NKAIN3: variants seen among roughly 807,000 people sequenced by gnomAD.
The protein encoded by NKAIN3 is sodium/potassium transporting ATPase interacting 3, also known as sodium/potassium-transporting ATPase subunit beta-1-interacting protein 3.
In NKAIN3, 25 loss-of-function variants were observed where a neutral mutation model predicts 30.2. The observed-to-expected ratio is 0.83, with a 90% CI of 0.60 to 1.16. The LOEUF is 1.16. Ranked by LOEUF, NKAIN3 falls within the 50% of genes most tolerant of loss-of-function variation. NKAIN3 has a pLI of 0.00. For missense variants in NKAIN3, 225 were observed against 254.1 expected (o/e 0.89, Z 0.78); for synonymous variants, 91 against 89.6 (o/e 1.02, Z -0.09).
intron 3 of NKAIN3, among the ~76,000 whole-genome samples, chr8:62,628,780 A>G (rs1480249260): frequency 6.6e-6 from 1 of 152,116 alleles, no homozygotes; most frequent in Non-Finnish European, 1.5e-5. Flanking sequence ...GTTTTAGACA[A>G]CATCCTATTC....
chr8:62,966,107 T>G lies in NKAIN3; in HGVS notation c.*700T>G, dbSNP rs1473630704. On this transcript the variant is annotated 3_prime_UTR_variant, in exon 7 of 7. Coordinates refer to ENST00000623646, the MANE Select transcript of NKAIN3 (RefSeq NM_001304533.3). ...GAACCCCTTTCCCCTTTGGAGGGAA[T>G]ATGGGTGTCTCTGAGGTCCATATTT... The G allele has an allele frequency of 2.0e-6, 2 of 984,612 alleles. No homozygotes were observed. The highest frequency in any genetic ancestry group is 2.4e-6 in the Non-Finnish European group (2 of 829,370). The allele number at this position is 984,612 out of a possible 1,614,324, so 61.0% of individuals were successfully genotyped here.
intron 1 of NKAIN3, among the ~76,000 whole-genome samples, chr8:62,348,970 A>G (rs1816098072): frequency 6.6e-6 from 1 of 152,172 alleles, no homozygotes; most frequent in Admixed American, 6.5e-5. Flanking sequence ...ACTTTAGGTT[A>G]GCAGAAATGA....
intron 1 of NKAIN3, among the ~76,000 whole-genome samples, chr8:62,299,180 G>T (rs985789357): frequency 6.6e-6 from 1 of 151,952 alleles, no homozygotes; most frequent in African/African-American, 2.4e-5. Flanking sequence ...AAAATTTGTT[G>T]TTCTATCATT....
chr8:62,798,575 CA>C (rs1397435780), intron 4 of NKAIN3, among the ~76,000 whole-genome samples: 23 of 120,092 alleles, frequency 1.9e-4, no homozygotes, highest in South Asian at 8.3e-4. Context: ...CCGTCCCCCC[CA>C]AAAAAAAAAC....
In NKAIN3 at chr8:62,983,015, C is replaced by T. The variant is rs1438568849; in HGVS notation, c.*17608C>T. The T allele has an allele frequency of 6.6e-6, 1 of 152,090 alleles. No homozygotes were observed. The highest frequency in any genetic ancestry group is 2.4e-5 in the African/African-American group (1 of 41,396). 9.4% of individuals were successfully genotyped at this position (152,090 alleles called of 1,614,324 possible). A position where few individuals can be genotyped will look rare whatever the true frequency, so the allele number is the denominator to read the frequency against. ...TCTCCGGTGTGTAAAACTGACAATA[C>T]CCACAAGATACTACTGACTTGGAAG... On this transcript the variant is annotated 3_prime_UTR_variant, in exon 7 of 7. Transcript: ENST00000623646.
At chr8:62,758,893 T>G (rs909137558) in intron 4 of NKAIN3, among the ~76,000 whole-genome samples, 19 of 152,224 alleles carry the variant, frequency 1.2e-4, no homozygotes, top group Non-Finnish European at 5.9e-5. Context: ...TATGAATTTT[T>G]GAGAACATGG....
rs536174216 is a variant in NKAIN3, at chr8:62,491,367, C to T, written c.55-88172C>T. On this transcript the variant is annotated intron_variant, in intron 1 of 6. Transcript: ENST00000623646. ...CATGTTGTCTCCATTGTTATTTTGC[C>T]TAGATTACTTGTTGATTCCTACCTA... 3.9e-5 allele frequency among the ~76,000 whole-genome samples: 6 copies of T among 152,240 alleles called. No individual in the cohort carries two copies. In the South Asian group the frequency reaches 6.2e-4, roughly 16 times the overall value.
chr8:62,605,761 T>G (rs973239595), intron 3 of NKAIN3, among the ~76,000 whole-genome samples: 1 of 152,128 alleles, frequency 6.6e-6, no homozygotes, highest in Admixed American at 6.6e-5. Flanking sequence ...AATACTATAT[T>G]ATTTTATTTC....
chr8:62,654,405 G>A lies in NKAIN3; in HGVS notation c.273+64611G>A, dbSNP rs557746454. Among the ~76,000 whole-genome samples, 17 of 152,122 alleles carry A rather than the reference G, an allele frequency of 1.1e-4. No individual in the cohort carries two copies. In the South Asian group the frequency reaches 1.7e-3, roughly 15 times the overall value. ...AATTCAAGAAACTCTCCTAAGACAG[G>A]TCATAAGTTGTCACACTCAAAAGCT... On this transcript the variant is annotated intron_variant, in intron 3 of 6. Transcript: ENST00000623646.
At chr8:62,400,733 T>A (rs2351656) in intron 1 of NKAIN3, among the ~76,000 whole-genome samples, 63,147 of 151,402 alleles carry the variant, frequency 0.42, 15,419 homozygotes, top group Non-Finnish European at 0.54. Context: ...TTTACATATG[T>A]CTTGCCACTG....
intron 4 of NKAIN3, among the ~76,000 whole-genome samples, chr8:62,785,226 T>A (rs13439441): frequency 0.082 from 12,415 of 152,176 alleles, 525 homozygotes; most frequent in Middle Eastern, 0.092. Context: ...TTTCATACAA[T>A]GAAATGTTAT....
intron 4 of NKAIN3, among the ~76,000 whole-genome samples, chr8:62,791,189 C>T (rs1037026450): frequency 5.3e-5 from 8 of 151,986 alleles, no homozygotes; most frequent in African/African-American, 1.9e-4. Flanking sequence ...AGAGGAAATG[C>T]AAAGTGCCAT....
intron 4 of NKAIN3, among the ~76,000 whole-genome samples, chr8:62,905,101 T>A (rs938292109): frequency 6.6e-6 from 1 of 152,082 alleles, no homozygotes; most frequent in African/African-American, 2.4e-5. Context: ...GTGCAGAGAC[T>A]GTTCAGACTA....
chr8:62,874,041 C>T (rs898797868), intron 4 of NKAIN3, among the ~76,000 whole-genome samples: 7 of 151,876 alleles, frequency 4.6e-5, no homozygotes, highest in Non-Finnish European at 8.8e-5. Context: ...TCAACGAATT[C>T]AGGAGCTGGT....
Position 62,919,910 on chromosome 8 carries a change from T to TG in NKAIN3, c.532+1397_532+1398insG, listed in dbSNP as rs1563628301. On this transcript the variant is annotated intron_variant, in intron 5 of 6. Coordinates refer to ENST00000623646, the MANE Select transcript of NKAIN3 (RefSeq NM_001304533.3). ...TGTATTTAATGCTTACACAGAGTTT[T>TG]TTTTTTTTTTTAATGCTAGATAAGT... Among the ~76,000 whole-genome samples, 4 of 152,198 alleles carry TG rather than the reference T, an allele frequency of 2.6e-5. No individual in the cohort carries two copies. The East Asian group carries it at 5.8e-4, about 22-fold the overall frequency.
chr8:62,857,345 G>T (rs1208496957), intron 4 of NKAIN3, among the ~76,000 whole-genome samples: 1 of 152,196 alleles, frequency 6.6e-6, no homozygotes, highest in African/African-American at 2.4e-5. Context: ...TTTTCATGGA[G>T]TATCTTACTG....
chr8:62,695,438 GATA>G (rs1246907515), intron 3 of NKAIN3, among the ~76,000 whole-genome samples: 4 of 152,058 alleles, frequency 2.6e-5, no homozygotes, highest in Non-Finnish European at 5.9e-5. Flanking sequence ...CCTGGCTGGT[GATA>G]ATAATAATGA....
chr8:62,502,239 T>C (rs193054405), intron 1 of NKAIN3, among the ~76,000 whole-genome samples: 2 of 152,320 alleles, frequency 1.3e-5, no homozygotes, highest in East Asian at 3.9e-4. Context: ...CCTTGCCCTT[T>C]CATCTTCTGT....
intron 1 of NKAIN3, among the ~76,000 whole-genome samples, chr8:62,419,179 A>G (rs573261822): frequency 6.6e-6 from 1 of 152,246 alleles, no homozygotes; most frequent in East Asian, 1.9e-4. Context: ...CCCACAGAGT[A>G]CTCATTTTAA....
Sources: gnomAD v4.1 joint callset for allele counts (sites outside exome capture counted in the v4.1 genomes callset) on GRCh38, gnomAD v4.1.1 for gene constraint, MANE v1.5 for transcripts, NCBI Gene and HGNC (gene_info 2026-07-23, HGNC 2026-07-21) for gene names.